Variants in PSD3 observed in about 807,000 individuals in gnomAD.
PSD3 encodes the protein pleckstrin and Sec7 domain containing 3.
PSD3 carries 49 observed loss-of-function variants against 105.5 expected under a neutral mutation model. The observed-to-expected ratio is 0.46, with a 90% CI of 0.37 to 0.59. The LOEUF is 0.59. PSD3 is among the 20% of genes least tolerant of loss of function. The probability of loss-of-function intolerance (pLI) is 0.00; values close to 1 mark genes in which losing one functional copy is unlikely to be tolerated. For missense variants in PSD3, 1,561 were observed against 1,263.8 expected (o/e 1.24, Z -3.57); for synonymous variants, 557 against 457.8 (o/e 1.22, Z -2.77).
chr8:19,007,669 C>A (rs1459856603), intron 1 of PSD3, among the ~76,000 whole-genome samples: 1 of 149,896 alleles, frequency 6.7e-6, no homozygotes, highest in Non-Finnish European at 1.5e-5. Flanking sequence ...GGTCAGTGGA[C>A]AAGGTTTTTT....
At chr8:18,755,672 C>CT (rs1805977101) in intron 9 of PSD3, among the ~76,000 whole-genome samples, 1 of 151,626 alleles carries the variant, frequency 6.6e-6, no homozygotes, top group African/African-American at 2.4e-5. Context: ...TTCCTTTTTT[C>CT]TTTTTTTGGG....
intron 4 of PSD3, among the ~76,000 whole-genome samples, chr8:18,819,281 G>C (rs1812489747): frequency 1.3e-5 from 2 of 152,116 alleles, no homozygotes; most frequent in African/African-American, 4.8e-5. Flanking sequence ...AAAAAAGACA[G>C]AGTCTAAAGG....
rs1355813347 is a variant in PSD3 at position 18,535,756 on chromosome 8, T to C, written c.3131A>G (p.Gln1044Arg). The change falls in exon 16 of 16, where the codon CAA (glutamine) becomes CGA (arginine). Residue 1044 changes from glutamine to arginine, a missense_variant. Coordinates refer to ENST00000327040, the MANE Select transcript of PSD3 (RefSeq NM_015310.4). ...CGCAGATGGACTCTAAGTAACTTTT[T>C]GCTTAATGCTTGGTGTTTCAGGTCG... ...DHRPETPSIK[Q>R]KVT is the part of the protein sequence containing the mutation. 1 of 1,612,614 alleles carries C rather than the reference T, an allele frequency of 6.2e-7. No individual in the cohort carries two copies. Among genetic ancestry groups the C allele is most frequent in the Non-Finnish European group, 8.5e-7 (1 of 1,178,558 alleles).
chr8:19,080,468 A>T (rs1223425091), intron 1 of PSD3, among the ~76,000 whole-genome samples: 1 of 152,228 alleles, frequency 6.6e-6, no homozygotes, highest in Non-Finnish European at 1.5e-5. Flanking sequence ...TTTAAGGAGT[A>T]ACAGTCCAAG....
chr8:18,682,644 A>C (rs1389920977), intron 9 of PSD3, among the ~76,000 whole-genome samples: 2 of 152,230 alleles, frequency 1.3e-5, no homozygotes, highest in African/African-American at 4.8e-5. Flanking sequence ...CTATGTCATA[A>C]TGTAAGGGGG....
chr8:18,543,635 C>A (rs1395865970), intron 15 of PSD3, among the ~76,000 whole-genome samples: 4 of 150,186 alleles, frequency 2.7e-5, no homozygotes, highest in African/African-American at 7.3e-5. Context: ...AAAAAAAAAA[C>A]AACAACAAAA....
intron 8 of PSD3, among the ~76,000 whole-genome samples, chr8:18,777,464 T>A (rs1247424087): frequency 6.6e-6 from 1 of 152,210 alleles, no homozygotes; most frequent in East Asian, 1.9e-4. Context: ...TAATGTTGAG[T>A]TTTTTTCCCA....
chr8:18,857,364 A>G (rs13258924), intron 4 of PSD3, among the ~76,000 whole-genome samples: 115,987 of 152,074 alleles, frequency 0.76, 44,940 homozygotes, highest in East Asian at 0.99. Flanking sequence ...CCAGGGTGGT[A>G]TCTGAGAGAC....
At chr8:18,830,009 C>T (rs911251784) in intron 4 of PSD3, among the ~76,000 whole-genome samples, 1 of 152,048 alleles carries the variant, frequency 6.6e-6, no homozygotes, top group Non-Finnish European at 1.5e-5. Flanking sequence ...GCTTTGTCAG[C>T]GAGCCTGGAG....
chr8:18,804,343 C>T (rs758109230), intron 6 of PSD3, 179 bp downstream of exon 6: 3 of 558,068 alleles, frequency 5.4e-6, no homozygotes, highest in Non-Finnish European at 9.2e-6. Context: ...CATCTCTAAA[C>T]CTGACAAAAT....
At chr8:18,703,069 G>A (rs1277295158) in intron 9 of PSD3, among the ~76,000 whole-genome samples, 2 of 152,110 alleles carry the variant, frequency 1.3e-5, no homozygotes, top group African/African-American at 4.8e-5. Flanking sequence ...AATCCTAATG[G>A]GAGGAACTCT....
intron 4 of PSD3, chr8:18,865,244 A>T (rs183285525): frequency 2.7e-4 from 2 of 7,288 alleles, no homozygotes; most frequent in Admixed American, 2.4e-3. Flanking sequence ...ATATATATAT[A>T]TATATATATA....
rs74315865 is a variant in PSD3 at position 18,871,557 on chromosome 8, G to A, written c.1238+69C>T. 9,447 of 1,506,826 alleles carry A rather than the reference G, an allele frequency of 6.3e-3. 199 individuals are homozygous for A. The African/African-American group carries it at 0.067, about 11-fold the overall frequency. The allele number at this position is 1,506,826 out of a possible 1,614,324, so 93.3% of individuals were successfully genotyped here. A position where few individuals can be genotyped will look rare whatever the true frequency, so the allele number is the denominator to read the frequency against. On this transcript the variant is annotated intron_variant, in intron 3 of 15. Transcript: ENST00000327040. ...TATTGTGATTGAGTTCTCATATCAA[G>A]TACAGGATAACAGTTTTCTATGATA...
At chr8:19,082,666 G>A (rs543967591) in intron 1 of PSD3, among the ~76,000 whole-genome samples, 13 of 152,318 alleles carry the variant, frequency 8.5e-5, no homozygotes, top group African/African-American at 3.1e-4. Context: ...ACAGCTCTGA[G>A]GCTTCAGCTT....
chr8:19,062,963 GGTGCC>G (rs1366450684), intron 1 of PSD3, among the ~76,000 whole-genome samples: 3 of 152,194 alleles, frequency 2.0e-5, no homozygotes, highest in Admixed American at 6.5e-5. Context: ...CAAAAGTGAA[GGTGCC>G]GATAGGTATT....
At chr8:18,745,911 ATGTT>A (rs138129498) in intron 9 of PSD3, among the ~76,000 whole-genome samples, 2,726 of 152,280 alleles carry the variant, frequency 0.018, 81 homozygotes, top group African/African-American at 0.062. Context: ...CATCTATAGT[ATGTT>A]TGTTTATTTG....
At chr8:18,836,671 G>A (rs373826867) in intron 4 of PSD3, among the ~76,000 whole-genome samples, 2 of 152,018 alleles carry the variant, frequency 1.3e-5, no homozygotes, top group Non-Finnish European at 2.9e-5. Context: ...TGTAGTATTT[G>A]CATATAGCCT....
At chr8:18,641,917 A>C (rs562688041) in intron 10 of PSD3, among the ~76,000 whole-genome samples, 2 of 152,210 alleles carry the variant, frequency 1.3e-5, no homozygotes, top group South Asian at 4.1e-4. Context: ...AATAAAAAAG[A>C]AAGCATGTAG....
intron 1 of PSD3, among the ~76,000 whole-genome samples, chr8:19,049,987 A>G (rs1473175746): frequency 6.6e-6 from 1 of 152,200 alleles, no homozygotes; most frequent in Non-Finnish European, 1.5e-5. Context: ...TTTTCAACAG[A>G]AAGTTGAAAG....
Sources: allele counts gnomAD v4.1 joint callset (sites outside exome capture counted in the v4.1 genomes callset), GRCh38; gene constraint gnomAD v4.1.1; transcripts MANE v1.5; gene names NCBI Gene and HGNC (gene_info 2026-07-23, HGNC 2026-07-21).